FRA10AC1: variants seen among roughly 807,000 people sequenced by gnomAD.
FRA10AC1 encodes the protein protein FRA10AC1.
Under a neutral mutation model 56.5 loss-of-function variants are expected in FRA10AC1, and 43 were observed. That is an observed-to-expected ratio of 0.76 (90% CI 0.60 to 0.98). The LOEUF is 0.98. Ranked by LOEUF, FRA10AC1 falls within the 50% of genes least tolerant of loss-of-function variation. The pLI is 0.00. For synonymous variants in FRA10AC1, 112 were observed against 110.5 expected, an observed-to-expected ratio of 1.01 and a Z score of -0.09; for missense variants, 346 against 351.8, an observed-to-expected ratio of 0.98 and a Z score of 0.13.
At chr10:93,697,182 T>G (rs374395772) in intron 4 of FRA10AC1, among the ~76,000 whole-genome samples, 1 of 152,150 alleles carries the variant, frequency 6.6e-6, no homozygotes, top group South Asian at 2.1e-4. Flanking sequence ...AGAGTACCCA[T>G]ACTTTCACTC....
intron 7 of FRA10AC1, among the ~76,000 whole-genome samples, chr10:93,690,046 G>T (rs147512495): frequency 2.0e-3 from 299 of 152,252 alleles, no homozygotes; most frequent in Non-Finnish European, 3.0e-3. Flanking sequence ...AGAGGCAAAG[G>T]TGGAAATTCA....
At position 93,702,522 on chromosome 10, in the gene FRA10AC1, A is replaced by ACCGCCG. The variant is rs139811637; in HGVS notation, c.-154_-149dup. ...GCCGCACAGCCTCGCCACAACCACC[A>ACCGCCG]CCGCCGCCGCCGCCGCCGCCGCCGC... is the stretch of plus-strand genomic sequence containing the variant. On this transcript the variant is annotated 5_prime_UTR_variant, in exon 1 of 14. Transcript: ENST00000359204. 1.9e-3 allele frequency: 410 copies of ACCGCCG among 216,042 alleles called. 41 individuals carry two copies. In the East Asian group the frequency reaches 0.028, roughly 15 times the overall value. 13.4% of individuals were successfully genotyped at this position (216,042 alleles called of 1,614,324 possible).
At chr10:93,684,129 AT>A in intron 9 of FRA10AC1, 31 bp from the exon 10 acceptor site, 1 of 1,528,580 alleles carries the variant, frequency 6.5e-7, no homozygotes, top group South Asian at 1.1e-5. Flanking sequence ...TGAATGGCTG[AT>A]TTTGAATAAC....
intron 2 of FRA10AC1, among the ~76,000 whole-genome samples, chr10:93,699,375 A>C (rs2059290256): frequency 1.3e-5 from 2 of 152,176 alleles, no homozygotes; most frequent in African/African-American, 4.8e-5. Context: ...ATCAGTCAAC[A>C]GCCGTGTAAG....
intron 10 of FRA10AC1, 136 bp downstream of exon 10, chr10:93,683,920 C>G (rs1056653091): frequency 6.1e-6 from 4 of 650,826 alleles, no homozygotes; most frequent in Non-Finnish European, 1.1e-5. Context: ...TGTAGCCATA[C>G]GACAATGCCA....
chr10:93,698,379 A>G lies in FRA10AC1; in HGVS notation c.95T>C (p.Leu32Ser), dbSNP rs146017777. The G allele has an allele frequency of 1.2e-5, 19 of 1,606,838 alleles. No homozygotes were observed. The African/African-American group carries it at 2.3e-4, about 19-fold the overall frequency. The change falls in exon 3 of 14, where the codon TTA becomes TCA. Residue 32 changes from leucine to serine, a missense_variant. By Grantham distance (145) the Leu-to-Ser change is moderately radical (BLOSUM62 -2). Transcript: ENST00000359204. Reference protein sequence around the residue: ...KRKKRTVEDDLLLQKPFQKEK... With the variant: ...KRKKRTVEDDSLLQKPFQKEK... ...TTTCTGAAATGGTTTTTGGAGCAGTAAGTCATCTTCAACTGTCCTGATATA... is the reference window on the plus strand; with the variant it reads ...TTTCTGAAATGGTTTTTGGAGCAGTGAGTCATCTTCAACTGTCCTGATATA...
At chr10:93,691,425 C>A (rs974419611) in intron 7 of FRA10AC1, among the ~76,000 whole-genome samples, 2 of 152,276 alleles carry the variant, frequency 1.3e-5, no homozygotes, top group South Asian at 4.1e-4. Context: ...AATCTTCCTG[C>A]CTCAGCCTCC....
intron 12 of FRA10AC1, chr10:93,672,930 A>G (rs1288018886): frequency 6.1e-6 from 1 of 163,594 alleles, no homozygotes; most frequent in Admixed American, 6.2e-5. Flanking sequence ...TTGGAAGAAC[A>G]GGCAACACAA....
chr10:93,685,229 C>A lies in FRA10AC1; in HGVS notation c.625+17G>T. ...AACTTGGAAGAATCAATCATATACC[C>A]CCTAAAATCAACTTACTTAATTTAA... On this transcript the variant is annotated intron_variant, in intron 9 of 13. Transcript: ENST00000359204. The A allele has an allele frequency of 2.9e-6, 3 of 1,041,658 alleles. No individual in the cohort carries two copies. Among genetic ancestry groups the A allele is most frequent in the Non-Finnish European group, 4.5e-6 (3 of 668,382 alleles). 64.5% of individuals were successfully genotyped at this position (1,041,658 alleles called of 1,614,324 possible).
chr10:93,698,650 G>A (rs1589730369), intron 2 of FRA10AC1, among the ~76,000 whole-genome samples: 1 of 152,188 alleles, frequency 6.6e-6, no homozygotes, highest in African/African-American at 2.4e-5. Flanking sequence ...CTAGCTTCCT[G>A]ATTCAAATCC....
At chr10:93,677,430 G>T (rs1386861382) in intron 11 of FRA10AC1, among the ~76,000 whole-genome samples, 1 of 152,046 alleles carries the variant, frequency 6.6e-6, no homozygotes, top group East Asian at 1.9e-4. Flanking sequence ...AGAACTACAG[G>T]GTAAGGAAAC....
chr10:93,696,840 A>G (rs540372768), intron 4 of FRA10AC1, among the ~76,000 whole-genome samples: 2 of 152,318 alleles, frequency 1.3e-5, no homozygotes, highest in East Asian at 1.9e-4. Context: ...CATCCTCAGC[A>G]AACTAACACA....
intron 7 of FRA10AC1, chr10:93,687,742 T>C: frequency 9.3e-6 from 2 of 215,684 alleles, no homozygotes; most frequent in Non-Finnish European, 1.8e-5. Context: ...AAAGAGGTTA[T>C]GGTATAGTAA....
chr10:93,700,148 C>T (rs1564823780), intron 1 of FRA10AC1, 42 bp from the exon 2 acceptor site: 1 of 1,096,602 alleles, frequency 9.1e-7, no homozygotes, highest in Middle Eastern at 2.0e-4. Context: ...ATCTATGTTG[C>T]CAATTGTCCA....
At chr10:93,689,385 T>C (rs1229029553) in intron 7 of FRA10AC1, among the ~76,000 whole-genome samples, 1 of 152,110 alleles carries the variant, frequency 6.6e-6, no homozygotes, top group African/African-American at 2.4e-5. Flanking sequence ...AAAAATAAAA[T>C]CCTCCAAATC....
rs1344820561 is a variant in FRA10AC1, at chr10:93,669,786, G to C, written c.*40C>G. ...AATTGCATGAAGTTTAAAACTTCAT[G>C]AAGTTTCACATTAAGGAGCGGAGGC... On this transcript the variant is annotated 3_prime_UTR_variant, in exon 14 of 14. Transcript: ENST00000359204. 1.5e-6 allele frequency: 2 copies of C among 1,362,284 alleles called. No homozygotes were observed. Among genetic ancestry groups the C allele is most frequent in the Non-Finnish European group, 2.1e-6 (2 of 975,602 alleles). The allele number at this position is 1,362,284 out of a possible 1,614,324, so 84.4% of individuals were successfully genotyped here. A position where few individuals can be genotyped will look rare whatever the true frequency, so the allele number is the denominator to read the frequency against.
chr10:93,679,096 T>C (rs2058890481), intron 11 of FRA10AC1, among the ~76,000 whole-genome samples: 1 of 152,216 alleles, frequency 6.6e-6, no homozygotes, highest in South Asian at 2.1e-4. Context: ...AAAATTTTGT[T>C]ATTTTCTGTT....
chr10:93,687,474 T>C, intron 7 of FRA10AC1, 25 bp from the exon 8 acceptor site: 1 of 1,475,050 alleles, frequency 6.8e-7, no homozygotes, highest in East Asian at 2.4e-5. Context: ...ATTACATTTA[T>C]GCCAATGTAA....
rs369666665 is a variant in FRA10AC1, at chr10:93,676,711, G to C, written c.788-20C>G. ...AATGTCCTGAAAAGGAAACATCATT[G>C]ATTTATTAACTATCATCTTGTAATA... On this transcript the variant is annotated intron_variant, in intron 11 of 13. Transcript: ENST00000359204. 1.7e-5 allele frequency: 27 copies of C among 1,559,498 alleles called. No individual in the cohort carries two copies. Among genetic ancestry groups the C allele is most frequent in the Non-Finnish European group, 2.2e-5 (25 of 1,157,272 alleles).
Sources: allele counts gnomAD v4.1 joint callset (sites outside exome capture counted in the v4.1 genomes callset), GRCh38; gene constraint gnomAD v4.1.1; transcripts MANE v1.5; gene names NCBI Gene and HGNC (gene_info 2026-07-23, HGNC 2026-07-21).